Variants in DSCAM observed in about 807,000 individuals in gnomAD.
The protein encoded by DSCAM is cell adhesion molecule DSCAM.
In DSCAM, 47 loss-of-function variants were observed where a neutral mutation model predicts 217.7. That is an observed-to-expected ratio of 0.22 (90% CI 0.17 to 0.28). The LOEUF (loss-of-function observed/expected upper bound fraction) is 0.28, where lower values mean the gene tolerates loss of function less well. Among genes scored for constraint, DSCAM ranks in the 10% least tolerant of loss-of-function variants. The pLI, the probability that DSCAM is intolerant of heterozygous loss-of-function variation, is 1.00. For missense variants in DSCAM, 2,080 were observed against 2,618.3 expected (o/e 0.79, Z 4.49); for synonymous variants, 1,056 against 1,015.3 (o/e 1.04, Z -0.76).
In DSCAM at chr21:40,011,156, G is replaced by T. The variant is rs756810166; in HGVS notation, c.*1878C>A. The T allele has an allele frequency of 9.9e-5, 15 of 151,922 alleles. No individual in the cohort carries two copies. Among genetic ancestry groups the T allele is most frequent in the Non-Finnish European group, 1.8e-4 (12 of 68,004 alleles). The allele number at this position is 151,922 out of a possible 1,614,324, so 9.4% of individuals were successfully genotyped here. On this transcript the variant is annotated 3_prime_UTR_variant, in exon 33 of 33. Transcript: ENST00000400454. ...ATTTCTTTTGCATAAAAAAAAAACA[G>T]TCTGAGAGTATGCAAACAGTACACG... is the stretch of plus-strand genomic sequence containing the variant.
intron 1 of DSCAM, among the ~76,000 whole-genome samples, chr21:40,782,816 T>C (rs1287868998): frequency 6.6e-6 from 1 of 152,238 alleles, no homozygotes; most frequent in African/African-American, 2.4e-5. Context: ...ATTAAATAAA[T>C]AAGTGTCATA....
At position 40,335,784 on chromosome 21, in the gene DSCAM, G is replaced by C. The variant is rs141722453; in HGVS notation, c.1783+2317C>G. ...TGTAGGGATCCCTGAGACAATTTTA[G>C]GTGATCTGTAAGAAGAAAATCGTTT... On this transcript the variant is annotated intron_variant, in intron 8 of 32. Coordinates refer to ENST00000400454, the MANE Select transcript of DSCAM (RefSeq NM_001389.5). Among the ~76,000 whole-genome samples the C allele has an allele frequency of 1.9e-4, 29 of 152,288 alleles. No individual in the cohort carries two copies. In the East Asian group the frequency reaches 5.4e-3, roughly 28 times the overall value.
intron 3 of DSCAM, among the ~76,000 whole-genome samples, chr21:40,504,155 AAAGAG>A (rs1436917976): frequency 2.0e-5 from 3 of 152,194 alleles, no homozygotes; most frequent in South Asian, 2.1e-4. Context: ...GAAGGAAAGG[AAAGAG>A]AAGAGAAGAG....
chr21:40,623,276 A>C (rs1352303265), intron 3 of DSCAM, among the ~76,000 whole-genome samples: 2 of 151,972 alleles, frequency 1.3e-5, no homozygotes, highest in African/African-American at 4.8e-5. Flanking sequence ...TTCATACTGG[A>C]GGTTAAGAGG....
chr21:40,564,199 T>A (rs1303865697), intron 3 of DSCAM, among the ~76,000 whole-genome samples: 2 of 152,164 alleles, frequency 1.3e-5, no homozygotes, highest in African/African-American at 2.4e-5. Context: ...AAATCTTGTG[T>A]CAGAGGAAAG....
At chr21:40,214,735 C>CAAAAAAAA (rs1209648217) in intron 11 of DSCAM, among the ~76,000 whole-genome samples, 3 of 67,846 alleles carry the variant, frequency 4.4e-5, no homozygotes, top group African/African-American at 1.2e-4. Context: ...GCAACAACAG[C>CAAAAAAAA]AAAAAAAAAA....
At chr21:40,481,211 CG>C in intron 3 of DSCAM, among the ~76,000 whole-genome samples, 1 of 152,226 alleles carries the variant, frequency 6.6e-6, no homozygotes, top group South Asian at 2.1e-4. Context: ...AAGAACAGGC[CG>C]GGTGCGGTAG....
At chr21:40,815,223 A>G (rs2091870385) in intron 1 of DSCAM, among the ~76,000 whole-genome samples, 1 of 152,034 alleles carries the variant, frequency 6.6e-6, no homozygotes, top group South Asian at 2.1e-4. Flanking sequence ...TGAAGGGCCT[A>G]TCACTTGGTC....
At chr21:40,683,632 A>G (rs2090440690) in intron 3 of DSCAM, among the ~76,000 whole-genome samples, 2 of 152,152 alleles carry the variant, frequency 1.3e-5, no homozygotes, top group South Asian at 4.1e-4. Flanking sequence ...ACGCCGGAGC[A>G]GGTAAGGGGA....
chr21:40,012,723 CAGA>C lies in DSCAM; in HGVS notation c.*308_*310del, dbSNP rs2088079273. Reference sequence around the variant, plus strand: ...CCTCTTGTGTGATAGAACTTCCAGTCAGAAGGTTTAATTAATCCCCCCCATGCA... The same window carrying C: ...CCTCTTGTGTGATAGAACTTCCAGTCAGGTTTAATTAATCCCCCCCATGCA... On this transcript the variant is annotated 3_prime_UTR_variant, in exon 33 of 33. Coordinates refer to ENST00000400454, the MANE Select transcript of DSCAM (RefSeq NM_001389.5). 5.7e-6 allele frequency: 1 copy of C among 174,716 alleles called. No homozygotes were observed. Among genetic ancestry groups the C allele is most frequent in the Non-Finnish European group, 1.2e-5 (1 of 85,220 alleles). The allele number at this position is 174,716 out of a possible 1,614,324, so 10.8% of individuals were successfully genotyped here. A position where few individuals can be genotyped will look rare whatever the true frequency, so the allele number is the denominator to read the frequency against.
At chr21:40,230,878 C>A (rs962463255) in intron 11 of DSCAM, among the ~76,000 whole-genome samples, 3 of 152,004 alleles carry the variant, frequency 2.0e-5, no homozygotes, top group Admixed American at 2.0e-4. Flanking sequence ...GTTTCAGGGC[C>A]GTGTCCTTCC....
chr21:40,051,819 A>C (rs1169612827), intron 30 of DSCAM, 139 bp downstream of exon 30: 2 of 1,072,662 alleles, frequency 1.9e-6, no homozygotes, highest in Non-Finnish European at 2.6e-6. Flanking sequence ...CATTATCCCA[A>C]TTAGGGATGT....
chr21:40,163,810 A>G (rs370331408), intron 16 of DSCAM, among the ~76,000 whole-genome samples: 1 of 152,098 alleles, frequency 6.6e-6, no homozygotes, highest in Non-Finnish European at 1.5e-5. Flanking sequence ...CTGCCGTTGT[A>G]TAGTCTAGGG....
chr21:40,689,835 T>C (rs1180821963), intron 3 of DSCAM, among the ~76,000 whole-genome samples: 2 of 152,220 alleles, frequency 1.3e-5, no homozygotes, highest in Admixed American at 1.3e-4. Context: ...GCTGTGCATA[T>C]GGCATTCAGG....
At position 40,639,389 on chromosome 21, in the gene DSCAM, A is replaced by C. The variant is rs549488859; in HGVS notation, c.508+53421T>G. ...TTAGTTTTAAGATCATGTGATACTT[A>C]GATACTGACAAAGTATGAGCAGTAC... is the stretch of plus-strand genomic sequence containing the variant. On this transcript the variant is annotated intron_variant, in intron 3 of 32. Transcript: ENST00000400454. Among the ~76,000 whole-genome samples, 168 of 152,318 alleles carry C rather than the reference A, an allele frequency of 1.1e-3. 3 individuals carry two copies. The highest frequency in any genetic ancestry group is 3.8e-3 in the African/African-American group (157 of 41,568).
At chr21:40,280,046 T>C (rs1041759746) in intron 10 of DSCAM, among the ~76,000 whole-genome samples, 1 of 151,840 alleles carries the variant, frequency 6.6e-6, no homozygotes, top group Non-Finnish European at 1.5e-5. Context: ...GGTTGATGGG[T>C]GCAGCAAACC....
intron 3 of DSCAM, among the ~76,000 whole-genome samples, chr21:40,535,139 A>G (rs1275771677): frequency 6.6e-6 from 1 of 152,208 alleles, no homozygotes; most frequent in Admixed American, 6.5e-5. Flanking sequence ...AAGTATCCTC[A>G]TTCTTAAAAT....
chr21:40,058,280 G>A (rs1034342368), intron 28 of DSCAM, among the ~76,000 whole-genome samples: 9 of 152,114 alleles, frequency 5.9e-5, no homozygotes, highest in African/African-American at 1.7e-4. Flanking sequence ...TGCAAGGCTG[G>A]ACTCAGATGC....
At chr21:40,321,131 A>G (rs544024499) in intron 8 of DSCAM, among the ~76,000 whole-genome samples, 24 of 152,320 alleles carry the variant, frequency 1.6e-4, no homozygotes, top group Non-Finnish European at 3.2e-4. Flanking sequence ...TCATACGCTA[A>G]TGGAACCATT....
Sources: gnomAD v4.1 joint callset for allele counts (sites outside exome capture counted in the v4.1 genomes callset) on GRCh38, gnomAD v4.1.1 for gene constraint, MANE v1.5 for transcripts, NCBI Gene and HGNC (gene_info 2026-07-23, HGNC 2026-07-21) for gene names.